The following POU2F3 variants were observed in gnomAD, a reference collection of about 807,000 sequenced individuals.
The protein encoded by POU2F3 is POU domain, class 2, transcription factor 3.
POU2F3 carries 23 observed loss-of-function variants against 59.2 expected under a neutral mutation model. The observed-to-expected ratio is 0.39, with a 90% CI of 0.28 to 0.55. The LOEUF is 0.55. Ranked by LOEUF, POU2F3 falls within the 20% of genes least tolerant of loss-of-function variation. The probability of loss-of-function intolerance (pLI) is 0.66; values close to 1 mark genes in which losing one functional copy is unlikely to be tolerated. For missense variants in POU2F3, 473 were observed against 544.5 expected, an observed-to-expected ratio of 0.87 and a Z score of 1.31; for synonymous variants, 190 against 214.6, an observed-to-expected ratio of 0.89 and a Z score of 1.00.
chr11:120,273,658 C>T (rs1171376823), intron 3 of POU2F3, among the ~76,000 whole-genome samples: 1 of 152,048 alleles, frequency 6.6e-6, no homozygotes, highest in Non-Finnish European at 1.5e-5. Context: ...TGAACTGATG[C>T]AAGAGAGGCC....
chr11:120,296,006 T>C (rs894419281), intron 3 of POU2F3, among the ~76,000 whole-genome samples: 1 of 152,208 alleles, frequency 6.6e-6, no homozygotes, highest in Non-Finnish European at 1.5e-5. Flanking sequence ...AGCAGCAACC[T>C]GGATGGGCCA....
At chr11:120,274,108 A>AAGGAAGAAAGGAAGGAAGG (rs1940212417) in intron 3 of POU2F3, among the ~76,000 whole-genome samples, 88 of 116,208 alleles carry the variant, frequency 7.6e-4, no homozygotes, top group African/African-American at 3.0e-3. Context: ...AGGAAGGAAG[A>AAGGAAGAAAGGAAGGAAGG]AAGGAAGGAA....
At chr11:120,295,325 C>A (rs1941164851) in intron 3 of POU2F3, among the ~76,000 whole-genome samples, 1 of 152,164 alleles carries the variant, frequency 6.6e-6, no homozygotes, top group Non-Finnish European at 1.5e-5. Context: ...AGGAACCCTG[C>A]CACTTGCCTC....
chr11:120,295,067 C>T (rs1041972836), intron 3 of POU2F3, among the ~76,000 whole-genome samples: 3 of 152,174 alleles, frequency 2.0e-5, no homozygotes, highest in Admixed American at 6.5e-5. Context: ...TCTGCTATCA[C>T]GCACTTCATT....
chr11:120,256,127 A>G (rs764985185), intron 2 of POU2F3: 17 of 152,176 alleles, frequency 1.1e-4, no homozygotes, highest in Non-Finnish European at 1.6e-4. Flanking sequence ...ACACACTCCA[A>G]TCCTTTTCAC....
At chr11:120,264,888 C>T (rs966820868) in intron 2 of POU2F3, among the ~76,000 whole-genome samples, 1 of 152,222 alleles carries the variant, frequency 6.6e-6, no homozygotes, top group African/African-American at 2.4e-5. Context: ...CAGTTTTTAA[C>T]ACAATATAAT....
intron 3 of POU2F3, among the ~76,000 whole-genome samples, chr11:120,293,689 T>C (rs1424777924): frequency 6.6e-6 from 1 of 152,156 alleles, no homozygotes; most frequent in African/African-American, 2.4e-5. Context: ...TTGAGCTGTC[T>C]TCCCCCAGAG....
intron 3 of POU2F3, among the ~76,000 whole-genome samples, chr11:120,272,822 GC>G (rs2135205715): frequency 6.6e-6 from 1 of 152,288 alleles, no homozygotes; most frequent in South Asian, 2.1e-4. Context: ...ACAGGCTAAG[GC>G]CCTGGATAGG....
chr11:120,285,759 A>G lies in POU2F3; in HGVS notation c.133-12506A>G, dbSNP rs1473106179. On this transcript the variant is annotated intron_variant, in intron 3 of 12. Coordinates refer to ENST00000543440, the MANE Select transcript of POU2F3 (RefSeq NM_014352.4). This position sits in a 1 kb window ranked among gnomAD's most constrained non-coding sequence, Gnocchi z 4.3. ...TGGCCTACACACATATGTACAAATT[A>G]TACCGTATATATTCTTTAGTGGCTT... 6.6e-6 allele frequency among the ~76,000 whole-genome samples: 1 copy of G among 152,228 alleles called. No homozygotes were observed. Among genetic ancestry groups the G allele is most frequent in the Non-Finnish European group, 1.5e-5 (1 of 68,034 alleles).
At chr11:120,241,939 C>A (rs1267092158) in intron 1 of POU2F3, among the ~76,000 whole-genome samples, 5 of 152,120 alleles carry the variant, frequency 3.3e-5, no homozygotes. Context: ...GGAGTGAGCT[C>A]CTGGCTGATG....
At chr11:120,288,048 A>C (rs1940848171) in intron 3 of POU2F3, among the ~76,000 whole-genome samples, 1 of 151,484 alleles carries the variant, frequency 6.6e-6, no homozygotes, top group Non-Finnish European at 1.5e-5. Context: ...GATTGTGAGA[A>C]AGGAAGAAAA....
intron 3 of POU2F3, among the ~76,000 whole-genome samples, chr11:120,284,530 T>C (rs944225155): frequency 6.6e-6 from 1 of 152,050 alleles, no homozygotes; most frequent in African/African-American, 2.4e-5. Context: ...TGCTAGGGCC[T>C]AGCCTCTAGG....
chr11:120,310,948 G>T (rs1941633733), intron 10 of POU2F3, among the ~76,000 whole-genome samples: 1 of 152,212 alleles, frequency 6.6e-6, no homozygotes, highest in Non-Finnish European at 1.5e-5. Flanking sequence ...AACCAGCCTT[G>T]GGAGCTGGTG....
At chr11:120,289,655 G>T (rs999857607) in intron 3 of POU2F3, among the ~76,000 whole-genome samples, 8 of 151,976 alleles carry the variant, frequency 5.3e-5, no homozygotes, top group African/African-American at 1.9e-4. Flanking sequence ...GGACAGAGCC[G>T]CTTCTTCCAC....
At chr11:120,244,898 G>A (rs1938808086) in intron 1 of POU2F3, among the ~76,000 whole-genome samples, 1 of 151,846 alleles carries the variant, frequency 6.6e-6, no homozygotes, top group Non-Finnish European at 1.5e-5. Context: ...GACTGCAGCA[G>A]GACGGATTGA....
At chr11:120,239,111 G>A (rs773443926), upstream of POU2F3, among the ~76,000 whole-genome samples, 6 of 152,166 alleles carry the variant, frequency 3.9e-5, no homozygotes, top group Non-Finnish European at 7.3e-5. Context: ...TGTAGAGGCA[G>A]GAAAGCCCAA....
chr11:120,283,772 CGTGTGTGTGTGTGTGTGTGTGT>C lies in POU2F3; in HGVS notation c.133-14466_133-14445del, dbSNP rs36099803. Among the ~76,000 whole-genome samples, 1,188 of 130,438 alleles carry C rather than the reference CGTGTGTGTGTGTGTGTGTGTGT, an allele frequency of 9.1e-3. 18 individuals are homozygous for C. Among genetic ancestry groups the C allele is most frequent in the African/African-American group, 0.033 (1,129 of 34,544 alleles). The allele number at this position is 130,438 out of a possible 152,430, so 85.6% of individuals were successfully genotyped here. Reference sequence around the variant, plus strand: ...TCCACCTGTGTGCCTTAATAGGCTTCGTGTGTGTGTGTGTGTGTGTGTGTGTGTGTGTGTGTGTGTGTGTGTG... The same window carrying C: ...TCCACCTGTGTGCCTTAATAGGCTTCGTGTGTGTGTGTGTGTGTGTGTGTG... On this transcript the variant is annotated intron_variant, in intron 3 of 12. Transcript: ENST00000543440.
At chr11:120,274,150 A>AGGAAGGAG (rs1555073819) in intron 3 of POU2F3, among the ~76,000 whole-genome samples, 4 of 148,064 alleles carry the variant, frequency 2.7e-5, no homozygotes, top group East Asian at 3.9e-4. Flanking sequence ...GAAGGAAGGA[A>AGGAAGGAG]GGAAGGAAAT....
chr11:120,246,580 G>T, intron 2 of POU2F3, 63 bp downstream of exon 2: 1 of 1,549,208 alleles, frequency 6.5e-7, no homozygotes. Context: ...GGGAATTGTT[G>T]AACAACTGGT....
Sources: gnomAD v4.1 joint callset for allele counts (sites outside exome capture counted in the v4.1 genomes callset) on GRCh38, gnomAD v4.1.1 for gene constraint, Gnocchi (gnomAD v3.1) non-coding constraint, MANE v1.5 for transcripts, NCBI Gene and HGNC (gene_info 2026-07-23, HGNC 2026-07-21) for gene names.